The following ADAMTS6 variants were observed in gnomAD, a reference collection of about 807,000 sequenced individuals.
ADAMTS6 encodes the protein A disintegrin and metalloproteinase with thrombospondin motifs 6.
ADAMTS6 carries 23 observed loss-of-function variants against 144.3 expected under a neutral mutation model. The ratio of observed to expected loss-of-function variants is 0.16; its 90% CI spans 0.11 to 0.23. The LOEUF is 0.23. Among genes scored for constraint, ADAMTS6 ranks in the 10% least tolerant of loss-of-function variants. ADAMTS6 has a pLI of 1.00. For synonymous variants in ADAMTS6, 444 were observed against 457.5 expected (o/e 0.97, Z 0.38); for missense variants, 999 against 1,379.6 (o/e 0.72, Z 4.37).
At chr5:65,215,047 A>T in intron 19 of ADAMTS6, 115 bp from the exon 20 acceptor site, 1 of 1,319,428 alleles carries the variant, frequency 7.6e-7, no homozygotes, top group Non-Finnish European at 1.0e-6. Flanking sequence ...GAAACTTAAT[A>T]TAAAACACAT....
intron 9 of ADAMTS6, among the ~76,000 whole-genome samples, chr5:65,321,567 G>A (rs1184623766): frequency 1.3e-5 from 2 of 151,758 alleles, no homozygotes; most frequent in Non-Finnish European, 2.9e-5. Context: ...GTCAATTTTT[G>A]CTTTTGTTGT....
Position 65,478,220 on chromosome 5 carries a change from A to T in ADAMTS6, c.-280+3123T>A, listed in dbSNP as rs368724392. Among the ~76,000 whole-genome samples, 46 of 152,328 alleles carry T rather than the reference A, an allele frequency of 3.0e-4. No individual in the cohort carries two copies. The South Asian group carries it at 8.1e-3, about 27-fold the overall frequency. Reference sequence around the variant, plus strand: ...CTTAGTCACCTACACAATAAAAGTGAATGAGTTAACCCACTTTCTGACACC... The same window carrying T: ...CTTAGTCACCTACACAATAAAAGTGTATGAGTTAACCCACTTTCTGACACC... On this transcript the variant is annotated intron_variant, in intron 1 of 24. Coordinates refer to ENST00000381055, the MANE Select transcript of ADAMTS6 (RefSeq NM_197941.4).
At position 65,214,640 on chromosome 5, in the gene ADAMTS6, A is replaced by T; in HGVS notation, c.2575+154T>A. 9.5e-7 allele frequency: 1 copy of T among 1,053,722 alleles called. No homozygotes were observed. Among genetic ancestry groups the T allele is most frequent in the Non-Finnish European group, 1.4e-6 (1 of 712,474 alleles). 65.3% of individuals were successfully genotyped at this position (1,053,722 alleles called of 1,614,324 possible). On this transcript the variant is annotated intron_variant, in intron 20 of 24. Transcript: ENST00000381055. The surrounding 1 kb of genome is among the most constrained non-coding windows in gnomAD (Gnocchi z 4.6). ...GTTGAAAACAAATGGAATATAATATAATTAAAGCAAAGTTTCTTTTGCTAA... is the reference window on the plus strand; with the variant it reads ...GTTGAAAACAAATGGAATATAATATTATTAAAGCAAAGTTTCTTTTGCTAA...
chr5:65,188,406 T>C (rs566939823), intron 21 of ADAMTS6, among the ~76,000 whole-genome samples, 186 bp from the exon 22 acceptor site: 2 of 152,316 alleles, frequency 1.3e-5, no homozygotes, highest in African/African-American at 4.8e-5. Flanking sequence ...TTCTAAAGTG[T>C]AGTGTGTGGA....
chr5:65,389,550 T>C (rs919576187), intron 7 of ADAMTS6, among the ~76,000 whole-genome samples: 3 of 152,042 alleles, frequency 2.0e-5, no homozygotes, highest in Admixed American at 6.6e-5. Flanking sequence ...TATTGGAGGA[T>C]ATGAGAGTAT....
At chr5:65,371,701 G>T (rs1386375670) in intron 7 of ADAMTS6, among the ~76,000 whole-genome samples, 1 of 152,110 alleles carries the variant, frequency 6.6e-6, no homozygotes, top group African/African-American at 2.4e-5. Context: ...CACTCTGCAG[G>T]ATATTATCCA....
intron 2 of ADAMTS6, among the ~76,000 whole-genome samples, chr5:65,472,432 AT>A (rs1397792047): frequency 6.6e-6 from 1 of 152,228 alleles, no homozygotes; most frequent in Non-Finnish European, 1.5e-5. Flanking sequence ...TGGTTGTACA[AT>A]GCCGAAAATA....
intron 7 of ADAMTS6, among the ~76,000 whole-genome samples, chr5:65,347,812 T>C (rs1208554103): frequency 6.6e-6 from 1 of 151,906 alleles, no homozygotes; most frequent in East Asian, 1.9e-4. Context: ...AATCACCCTA[T>C]TAAAAATGTA....
chr5:65,284,536 T>C (rs564448617), intron 11 of ADAMTS6, among the ~76,000 whole-genome samples: 9 of 152,082 alleles, frequency 5.9e-5, no homozygotes, highest in Non-Finnish European at 1.3e-4. Context: ...TTACTATAAA[T>C]TAATAAATCC....
intron 11 of ADAMTS6, among the ~76,000 whole-genome samples, chr5:65,277,286 A>C (rs1762617329): frequency 6.6e-6 from 1 of 152,234 alleles, no homozygotes; most frequent in African/African-American, 2.4e-5. Flanking sequence ...TTTATAAAAA[A>C]ATAATAATCA....
At chr5:65,473,995 T>C (rs1430972735) in intron 1 of ADAMTS6, 43 bp from the exon 2 acceptor site, 1 of 448,142 alleles carries the variant, frequency 2.2e-6, no homozygotes, top group Non-Finnish European at 3.9e-6. Context: ...ATATCCAGAA[T>C]GGAAAAATCC....
Position 65,262,865 on chromosome 5 carries a change from G to A in ADAMTS6, c.1718C>T (p.Thr573Ile). 1.3e-6 allele frequency: 2 copies of A among 1,595,076 alleles called. No homozygotes were observed. The highest frequency in any genetic ancestry group is 1.7e-6 in the Non-Finnish European group (2 of 1,172,358). ...GGATGAGGAGACGCCTCCCCCGCAG[G>A]TCCTGCTGCACTCTCCCCATAGTGA... The part of the protein sequence containing the change: ...PWSLWGECSR[T>I]CGGGVSSSLR... Residue 573 changes from threonine (T) to isoleucine (I), a missense_variant, in exon 13 of 25, where the codon ACC (threonine) becomes ATC (isoleucine). Coordinates refer to ENST00000381055, the MANE Select transcript of ADAMTS6 (RefSeq NM_197941.4).
chr5:65,278,790 T>C (rs1762758852), intron 11 of ADAMTS6, among the ~76,000 whole-genome samples: 1 of 152,194 alleles, frequency 6.6e-6, no homozygotes, highest in Non-Finnish European at 1.5e-5. Context: ...CTTAATTGTA[T>C]TCTCATTTTT....
chr5:65,269,848 A>G (rs1193268805), intron 12 of ADAMTS6, among the ~76,000 whole-genome samples: 2 of 149,736 alleles, frequency 1.3e-5, no homozygotes, highest in East Asian at 3.9e-4. Flanking sequence ...CTGGAGGGCA[A>G]TGGCGTGCAA....
chr5:65,202,620 G>T (rs1755806743), intron 20 of ADAMTS6, among the ~76,000 whole-genome samples: 1 of 152,024 alleles, frequency 6.6e-6, no homozygotes, highest in African/African-American at 2.4e-5. Flanking sequence ...GCATTTTCAG[G>T]TCTAATATTT....
chr5:65,412,746 A>G (rs1755155809), intron 7 of ADAMTS6, among the ~76,000 whole-genome samples: 1 of 152,198 alleles, frequency 6.6e-6, no homozygotes, highest in Non-Finnish European at 1.5e-5. Flanking sequence ...ATATCAAATA[A>G]CAACTAAAAA....
chr5:65,210,003 A>C, intron 20 of ADAMTS6: 1 of 198,614 alleles, frequency 5.0e-6, no homozygotes, highest in Non-Finnish European at 1.1e-5. Flanking sequence ...CAGATTGCTT[A>C]TGCCCATATG....
chr5:65,235,934 C>T (rs1580143491), intron 15 of ADAMTS6, among the ~76,000 whole-genome samples: 1 of 152,262 alleles, frequency 6.6e-6, no homozygotes, highest in African/African-American at 2.4e-5. Flanking sequence ...ATTCACTTTG[C>T]ATGAAATTAT....
intron 12 of ADAMTS6, among the ~76,000 whole-genome samples, chr5:65,268,538 A>G (rs1580241908): frequency 1.3e-5 from 2 of 152,308 alleles, no homozygotes; most frequent in East Asian, 3.9e-4. Context: ...ATAGACACAC[A>G]GTACCAGCGC....
Sources: allele counts gnomAD v4.1 joint callset (sites outside exome capture counted in the v4.1 genomes callset), GRCh38; gene constraint gnomAD v4.1.1; non-coding constraint Gnocchi (gnomAD v3.1); transcripts MANE v1.5; gene names NCBI Gene and HGNC (gene_info 2026-07-23, HGNC 2026-07-21).